The following CSMD1 variants were observed in gnomAD, a reference collection of about 807,000 sequenced individuals.
CSMD1 encodes CUB and sushi domain-containing protein 1.
In CSMD1, 213 loss-of-function variants were observed where a neutral mutation model predicts 417.5. The observed-to-expected ratio is 0.51, with a 90% CI of 0.46 to 0.57. The LOEUF is 0.57. Among genes scored for constraint, CSMD1 ranks in the 20% least tolerant of loss-of-function variants. The pLI is 0.00. For synonymous variants in CSMD1, 2,862 were observed against 1,736.8 expected, an observed-to-expected ratio of 1.65 and a Z score of -16.11; for missense variants, 6,923 against 4,529.7, an observed-to-expected ratio of 1.53 and a Z score of -15.17.
chr8:3,608,322 G>C (rs888696487), intron 8 of CSMD1, among the ~76,000 whole-genome samples: 3 of 152,154 alleles, frequency 2.0e-5, no homozygotes, highest in Non-Finnish European at 4.4e-5. Context: ...GGATAGACAT[G>C]AAGGGGGCCA....
At chr8:3,418,758 C>A (rs981724434) in intron 12 of CSMD1, among the ~76,000 whole-genome samples, 1 of 152,086 alleles carries the variant, frequency 6.6e-6, no homozygotes, top group Non-Finnish European at 1.5e-5. Flanking sequence ...ATCATGCAGA[C>A]ACACGGGATT....
At chr8:3,936,689 A>G (rs1810523193) in intron 5 of CSMD1, among the ~76,000 whole-genome samples, 1 of 152,146 alleles carries the variant, frequency 6.6e-6, no homozygotes, top group Admixed American at 6.6e-5. Context: ...GTCACACAAG[A>G]GCTCTGACAG....
intron 1 of CSMD1, among the ~76,000 whole-genome samples, chr8:4,927,913 C>A (rs953132800): frequency 6.6e-6 from 1 of 152,180 alleles, no homozygotes; most frequent in South Asian, 2.1e-4. Context: ...GCAGCTCTAA[C>A]AGATGAAAAT....
intron 57 of CSMD1, among the ~76,000 whole-genome samples, chr8:2,972,552 G>A (rs1804550229): frequency 6.6e-6 from 1 of 152,138 alleles, no homozygotes; most frequent in South Asian, 2.1e-4. Context: ...TCTATAAGGT[G>A]TCCGTGGCTA....
At chr8:3,111,495 T>C (rs981142683) in intron 42 of CSMD1, among the ~76,000 whole-genome samples, 1 of 152,134 alleles carries the variant, frequency 6.6e-6, no homozygotes, top group Non-Finnish European at 1.5e-5. Flanking sequence ...ATAAATTCTA[T>C]GAGGTCAGGG....
intron 1 of CSMD1, among the ~76,000 whole-genome samples, chr8:4,829,995 C>T (rs186101702): frequency 9.9e-5 from 15 of 152,272 alleles, no homozygotes; most frequent in Middle Eastern, 3.4e-3. Context: ...CTTGTCTTTC[C>T]GTGCTCTCGT....
chr8:3,641,830 C>G (rs373157932), intron 7 of CSMD1, among the ~76,000 whole-genome samples: 22 of 152,228 alleles, frequency 1.4e-4, no homozygotes, highest in Non-Finnish European at 2.4e-4. Flanking sequence ...TCTCTTCCCT[C>G]AAACCTACCA....
intron 11 of CSMD1, among the ~76,000 whole-genome samples, chr8:3,478,957 C>G (rs1027310466): frequency 2.0e-5 from 3 of 152,040 alleles, no homozygotes; most frequent in Non-Finnish European, 4.4e-5. Context: ...TGACGGGGCA[C>G]TGCAAAGAGT....
intron 12 of CSMD1, among the ~76,000 whole-genome samples, chr8:3,409,886 G>C (rs191319748): frequency 1.3e-5 from 2 of 152,298 alleles, no homozygotes; most frequent in Non-Finnish European, 2.9e-5. Context: ...ATTAATCGGT[G>C]CATCTTCTGG....
chr8:4,957,865 G>T (rs1233290298), intron 1 of CSMD1, among the ~76,000 whole-genome samples: 2 of 152,148 alleles, frequency 1.3e-5, no homozygotes, highest in Non-Finnish European at 1.5e-5. Context: ...CACTCTGCCA[G>T]CCCCTGCAAT....
At chr8:3,847,360 A>T (rs1803577372) in intron 5 of CSMD1, among the ~76,000 whole-genome samples, 1 of 152,132 alleles carries the variant, frequency 6.6e-6, no homozygotes, top group Non-Finnish European at 1.5e-5. Flanking sequence ...AGAAGGAAGC[A>T]GAAGTGGTCC....
At chr8:3,323,485 C>T (rs1806287613) in intron 23 of CSMD1, among the ~76,000 whole-genome samples, 1 of 152,180 alleles carries the variant, frequency 6.6e-6, no homozygotes, top group Non-Finnish European at 1.5e-5. Flanking sequence ...CACCCATGAT[C>T]TTACTCACAC....
intron 1 of CSMD1, among the ~76,000 whole-genome samples, chr8:4,980,785 G>A (rs947111901): frequency 6.6e-6 from 1 of 151,978 alleles, no homozygotes; most frequent in Admixed American, 6.6e-5. Flanking sequence ...TGGGTCTGTA[G>A]TCCCAGCTAC....
intron 3 of CSMD1, among the ~76,000 whole-genome samples, chr8:4,384,304 G>C (rs1363290499): frequency 3.9e-5 from 6 of 151,980 alleles, no homozygotes; most frequent in Non-Finnish European, 8.8e-5. Flanking sequence ...GATCCATAAA[G>C]GGCAGTTCCG....
chr8:4,161,652 C>T (rs969867290), intron 3 of CSMD1, among the ~76,000 whole-genome samples: 10 of 152,100 alleles, frequency 6.6e-5, no homozygotes, highest in East Asian at 1.9e-4. Flanking sequence ...GTTCTTCCAA[C>T]GTCAACAACA....
chr8:4,845,515 C>T (rs1295831622), intron 1 of CSMD1, among the ~76,000 whole-genome samples: 1 of 152,244 alleles, frequency 6.6e-6, no homozygotes, highest in East Asian at 1.9e-4. Context: ...ACGTTCTCCT[C>T]AACTACGTAT....
At chr8:4,534,493 GC>G (rs1201507532) in intron 2 of CSMD1, among the ~76,000 whole-genome samples, 1 of 152,112 alleles carries the variant, frequency 6.6e-6, no homozygotes, top group Non-Finnish European at 1.5e-5. Flanking sequence ...TTCAGATACA[GC>G]GGGGTACAGG....
intron 2 of CSMD1, among the ~76,000 whole-genome samples, chr8:4,621,262 T>G (rs1801763709): frequency 6.6e-6 from 1 of 152,100 alleles, no homozygotes; most frequent in Non-Finnish European, 1.5e-5. Context: ...ATACATAACC[T>G]GAAGACAATT....
intron 26 of CSMD1, among the ~76,000 whole-genome samples, chr8:3,255,888 C>T (rs1055549943): frequency 7.2e-5 from 11 of 152,114 alleles, no homozygotes; most frequent in South Asian, 2.1e-4. Flanking sequence ...ACCCACTTTC[C>T]GACACTCGCC....
Sources: gnomAD v4.1 joint callset for allele counts (sites outside exome capture counted in the v4.1 genomes callset) on GRCh38, gnomAD v4.1.1 for gene constraint, MANE v1.5 for transcripts, NCBI Gene and HGNC (gene_info 2026-07-23, HGNC 2026-07-21) for gene names.